CSNK1G2: variants seen among roughly 807,000 people sequenced by gnomAD.
CSNK1G2 encodes casein kinase 1 gamma 2, also known as casein kinase I isoform gamma-2.
A neutral mutation model predicts 48.0 loss-of-function variants in CSNK1G2; 11 were observed. That is an observed-to-expected ratio of 0.23 (90% CI 0.14 to 0.38). CSNK1G2 has a LOEUF of 0.38. Among genes scored for constraint, CSNK1G2 ranks in the 10% least tolerant of loss-of-function variants. The pLI, the probability that CSNK1G2 is intolerant of heterozygous loss-of-function variation, is 1.00. For missense variants in CSNK1G2, 446 were observed against 595.5 expected, an observed-to-expected ratio of 0.75 and a Z score of 2.61; for synonymous variants, 337 against 254.1, an observed-to-expected ratio of 1.33 and a Z score of -3.10.
In CSNK1G2 at chr19:1,976,472, T is replaced by C. The variant is rs545986163; in HGVS notation, c.188-1833T>C. On this transcript the variant is annotated intron_variant, in intron 2 of 11. Transcript: ENST00000255641. ...TGCTGAAATAGAGCCCAGGTAGTGA[T>C]GCGGACAGGGCAGTGCCAGAAGGAG... Among the ~76,000 whole-genome samples the C allele has an allele frequency of 4.8e-4, 73 of 152,302 alleles. 3 individuals are homozygous for C. The South Asian group carries it at 0.015, about 31-fold the overall frequency.
At chr19:1,956,313 G>C (rs2014996646) in intron 1 of CSNK1G2, among the ~76,000 whole-genome samples, 1 of 152,226 alleles carries the variant, frequency 6.6e-6, no homozygotes, top group African/African-American at 2.4e-5. Flanking sequence ...CAGCTGGGAT[G>C]GGGATTTGGT....
rs774082363 is a variant in CSNK1G2 at position 1,979,420 on chromosome 19, C to T, written c.853+17C>T. On this transcript the variant is annotated intron_variant, in intron 8 of 11. Transcript: ENST00000255641. ...ACTTCCCAGGTAAGGGGTCCCTGCG[C>T]CCCCGCCCTGTGCCCCCCACCCCCC... 8.5e-5 allele frequency: 132 copies of T among 1,544,250 alleles called. No homozygotes were observed. The highest frequency in any genetic ancestry group is 4.6e-4 in the Middle Eastern group (2 of 4,374).
intron 1 of CSNK1G2, among the ~76,000 whole-genome samples, chr19:1,950,395 T>G (rs1380441199): frequency 6.8e-6 from 1 of 146,998 alleles, no homozygotes; most frequent in Non-Finnish European, 1.5e-5. Context: ...CTCCTCGGCC[T>G]CCCAAAGTGC....
At chr19:1,944,175 T>G (rs1599275408) in intron 1 of CSNK1G2, among the ~76,000 whole-genome samples, 1 of 152,046 alleles carries the variant, frequency 6.6e-6, no homozygotes, top group Non-Finnish European at 1.5e-5. Context: ...CGAGCTCTGG[T>G]GTCAGGCGTG....
intron 1 of CSNK1G2, among the ~76,000 whole-genome samples, chr19:1,963,735 T>G (rs531613661): frequency 6.6e-6 from 1 of 151,874 alleles, no homozygotes; most frequent in Non-Finnish European, 1.5e-5. Flanking sequence ...CTTGAACTCC[T>G]GACCTCAAGT....
chr19:1,975,525 C>T (rs1013353674), intron 2 of CSNK1G2: 1 of 985,484 alleles, frequency 1.0e-6, no homozygotes, highest in South Asian at 4.7e-5. Flanking sequence ...AGCCGCGGCA[C>T]AGCACCAGGC....
intron 2 of CSNK1G2, among the ~76,000 whole-genome samples, chr19:1,977,704 G>A (rs887065461): frequency 1.4e-5 from 2 of 142,436 alleles, no homozygotes; most frequent in African/African-American, 2.6e-5. Flanking sequence ...AGTGAACTGC[G>A]ATCTCGCCAC....
In CSNK1G2 at chr19:1,970,590, A is replaced by G. The variant is rs117627723; in HGVS notation, c.187+631A>G. On this transcript the variant is annotated intron_variant, in intron 2 of 11. Transcript: ENST00000255641. ...CCTTCCCTGGGGTGGGGGTGCCTGAAGATGACCATCAGGCCTGGGGGAGCT... is the reference window on the plus strand; with the variant it reads ...CCTTCCCTGGGGTGGGGGTGCCTGAGGATGACCATCAGGCCTGGGGGAGCT... 6.2e-3 allele frequency among the ~76,000 whole-genome samples: 948 copies of G among 152,294 alleles called. 7 individuals are homozygous for G. Among genetic ancestry groups the G allele is most frequent in the Admixed American group, 8.5e-3 (130 of 15,296 alleles).
At chr19:1,970,083 C>G in intron 2 of CSNK1G2, 124 bp downstream of exon 2, 1 of 674,624 alleles carries the variant, frequency 1.5e-6, no homozygotes, top group Non-Finnish European at 2.1e-6. Context: ...CCCCATGTCA[C>G]TGGCAGGTGC....
At chr19:1,975,644 A>G in intron 2 of CSNK1G2, 1 of 985,340 alleles carries the variant, frequency 1.0e-6, no homozygotes, top group Non-Finnish European at 1.2e-6. Flanking sequence ...GCAGCGCAGG[A>G]AGGACACGCA....
intron 2 of CSNK1G2, chr19:1,976,216 C>A: frequency 1.3e-6 from 1 of 760,098 alleles, no homozygotes; most frequent in Non-Finnish European, 1.9e-6. Context: ...CTGGGGAGAA[C>A]GTAGGAGGGG....
At chr19:1,960,427 G>C (rs2015160055) in intron 1 of CSNK1G2, among the ~76,000 whole-genome samples, 1 of 152,222 alleles carries the variant, frequency 6.6e-6, no homozygotes, top group Admixed American at 6.5e-5. Context: ...GCGCGAGCAG[G>C]CTGGCCTCAG....
chr19:1,980,192 C>T lies in CSNK1G2; in HGVS notation c.1237C>T (p.Arg413Ter), dbSNP rs765559188. 95 of 1,612,898 alleles carry T rather than the reference C, an allele frequency of 5.9e-5. No homozygotes were observed. The highest frequency in any genetic ancestry group is 7.5e-5 in the Non-Finnish European group (89 of 1,179,844). ...GAGGAGAAAGAGAAAATCGCTGCAG[C>T]GACACAAGTGACCCTGGGCGCGTGC... is the stretch of plus-strand genomic sequence containing the variant. ...FKRRKRKSLQ[R>*]HK The change falls in exon 12 of 12, where the codon CGA (arginine) becomes TGA (stop). Residue 413 changes from arginine to a stop codon, truncating the protein, a stop_gained. Transcript: ENST00000255641. LOFTEE classifies it high-confidence loss of function.
At chr19:1,942,957 A>G (rs1186841213) in intron 1 of CSNK1G2, among the ~76,000 whole-genome samples, 1 of 152,026 alleles carries the variant, frequency 6.6e-6, no homozygotes, top group Non-Finnish European at 1.5e-5. Context: ...GCCTGCCTTG[A>G]CGTCTCTAGG....
chr19:1,962,249 C>G (rs145305807), intron 1 of CSNK1G2, among the ~76,000 whole-genome samples: 1 of 136,830 alleles, frequency 7.3e-6, no homozygotes, highest in African/African-American at 3.2e-5. Flanking sequence ...GAGAACTGCA[C>G]GAACCTGGGA....
chr19:1,952,137 G>T (rs1323545102), intron 1 of CSNK1G2, among the ~76,000 whole-genome samples: 1 of 152,214 alleles, frequency 6.6e-6, no homozygotes, highest in African/African-American at 2.4e-5. Context: ...ACCCTTCTGT[G>T]TGAAAGGGGT....
intron 1 of CSNK1G2, among the ~76,000 whole-genome samples, chr19:1,955,600 G>A (rs1369901498): frequency 1.3e-5 from 2 of 149,790 alleles, no homozygotes; most frequent in Non-Finnish European, 2.9e-5. Flanking sequence ...CTCCGTCCAT[G>A]TCAGGCTTAG....
rs755868720 is a variant in CSNK1G2, at chr19:1,957,378, C to T, written c.-265-12130C>T. Among the ~76,000 whole-genome samples, 8 of 152,192 alleles carry T rather than the reference C, an allele frequency of 5.3e-5. No individual in the cohort carries two copies. The highest frequency in any genetic ancestry group is 1.2e-4 in the Non-Finnish European group (8 of 68,042). On this transcript the variant is annotated intron_variant, in intron 1 of 11. Coordinates refer to ENST00000255641, the MANE Select transcript of CSNK1G2 (RefSeq NM_001319.7). The surrounding 1 kb of genome is among the most constrained non-coding windows in gnomAD (Gnocchi z 5.4). Reference sequence around the variant, plus strand: ...AAGTGGAGCCGGGGGAGAGATGTCCCGGGATGCACCAGGCGCTCGTGCAAA... The same window carrying T: ...AAGTGGAGCCGGGGGAGAGATGTCCTGGGATGCACCAGGCGCTCGTGCAAA...
At chr19:1,948,638 G>T (rs2145501726) in intron 1 of CSNK1G2, among the ~76,000 whole-genome samples, 1 of 148,954 alleles carries the variant, frequency 6.7e-6, no homozygotes, top group South Asian at 2.1e-4. Context: ...ACTTTTTTTT[G>T]CTGGGAACAT....
Sources: allele counts gnomAD v4.1 joint callset (sites outside exome capture counted in the v4.1 genomes callset), GRCh38; gene constraint gnomAD v4.1.1; non-coding constraint Gnocchi (gnomAD v3.1); transcripts MANE v1.5; gene names NCBI Gene and HGNC (gene_info 2026-07-23, HGNC 2026-07-21).